COL21A1: variants seen among roughly 807,000 people sequenced by gnomAD.
COL21A1 encodes collagen alpha-1(XXI) chain.
COL21A1 carries 149 observed loss-of-function variants against 137.9 expected under a neutral mutation model. That is an observed-to-expected ratio of 1.08 (90% CI 0.95 to 1.24). The LOEUF (loss-of-function observed/expected upper bound fraction) is 1.24, where lower values mean the gene tolerates loss of function less well. Ranked by LOEUF, COL21A1 falls within the 50% of genes most tolerant of loss-of-function variation. The pLI is 0.00. For synonymous variants in COL21A1, 456 were observed against 391.5 expected, an observed-to-expected ratio of 1.16 and a Z score of -1.95; for missense variants, 1,167 against 1,158.4, an observed-to-expected ratio of 1.01 and a Z score of -0.11.
At chr6:56,216,934 G>T (rs576299972) in intron 1 of COL21A1, among the ~76,000 whole-genome samples, 32 of 152,094 alleles carry the variant, frequency 2.1e-4, no homozygotes, top group African/African-American at 7.5e-4. Flanking sequence ...TAGAAGGTAA[G>T]ACCTGATTAG....
At chr6:56,374,896 A>T (rs1278956496) in intron 1 of COL21A1, among the ~76,000 whole-genome samples, 3 of 151,350 alleles carry the variant, frequency 2.0e-5, no homozygotes, top group Admixed American at 6.6e-5. Context: ...ACTTGGTGAG[A>T]TTCTTTAGAC....
At chr6:56,310,192 G>A (rs1324327379) in intron 1 of COL21A1, among the ~76,000 whole-genome samples, 1 of 151,832 alleles carries the variant, frequency 6.6e-6, no homozygotes, top group Non-Finnish European at 1.5e-5. Context: ...GAAGACGTAA[G>A]ACAGAAAATT....
At chr6:56,161,414 C>T (rs1420584303) in intron 9 of COL21A1, among the ~76,000 whole-genome samples, 1 of 152,082 alleles carries the variant, frequency 6.6e-6, no homozygotes, top group East Asian at 1.9e-4. Context: ...AAGTTATCTG[C>T]AAGCTGGGGT....
chr6:56,119,735 G>T (rs1441519839), intron 16 of COL21A1, among the ~76,000 whole-genome samples: 7 of 151,942 alleles, frequency 4.6e-5, no homozygotes, highest in Non-Finnish European at 8.8e-5. Context: ...ACAGAACAGA[G>T]AACCCAGAAA....
chr6:56,296,102 TC>T (rs1383982985), intron 1 of COL21A1, among the ~76,000 whole-genome samples: 1 of 151,942 alleles, frequency 6.6e-6, no homozygotes. Context: ...TTGAGGAAAT[TC>T]CCTCCATTCC....
intron 16 of COL21A1, among the ~76,000 whole-genome samples, chr6:56,111,898 C>T (rs1453220629): frequency 6.6e-6 from 1 of 150,878 alleles, no homozygotes; most frequent in Admixed American, 6.6e-5. Flanking sequence ...AAAGAAAAAA[C>T]TTTAACACAT....
intron 16 of COL21A1, among the ~76,000 whole-genome samples, chr6:56,109,995 T>C (rs368795468): frequency 2.0e-5 from 3 of 152,024 alleles, no homozygotes; most frequent in African/African-American, 7.2e-5. Flanking sequence ...AAGCCAGTAT[T>C]GTTTTGATAT....
At chr6:56,067,357 C>A in intron 22 of COL21A1, 27 bp from the exon 23 acceptor site, 1 of 1,580,342 alleles carries the variant, frequency 6.3e-7, no homozygotes. Context: ...TGATCTGTAT[C>A]ATAATCTAGC....
chr6:56,082,886 T>C (rs756419366), intron 17 of COL21A1, among the ~76,000 whole-genome samples: 1 of 151,922 alleles, frequency 6.6e-6, no homozygotes, highest in East Asian at 1.9e-4. Flanking sequence ...GAAATGTGTA[T>C]GCTATTCCAT....
At chr6:56,167,269 G>A (rs1173829365) in intron 6 of COL21A1, among the ~76,000 whole-genome samples, 1 of 152,132 alleles carries the variant, frequency 6.6e-6, no homozygotes, top group East Asian at 1.9e-4. Context: ...CTAATCTAAA[G>A]AGCATTTTGT....
Position 56,126,105 on chromosome 6 carries a change from T to C in COL21A1, c.1587A>G (p.Pro529=), listed in dbSNP as rs373142145. The C allele has an allele frequency of 2.6e-6, 4 of 1,545,690 alleles. No individual in the cohort carries two copies. In the African/African-American group the frequency reaches 5.5e-5, roughly 21 times the overall value. Residue 529 remains proline (P), a synonymous_variant, in exon 13 of 30, where the codon CCA becomes CCG. Coordinates refer to ENST00000244728, the MANE Select transcript of COL21A1 (RefSeq NM_030820.4). ...LPGFPGLHGM[P]GSKGEMGAKG... ...AACAGATTTCTTCAACCTTTGATCCTGGCATGCCATGAAGCCCAGGAAAAC... is the reference window on the plus strand; with the variant it reads ...AACAGATTTCTTCAACCTTTGATCCCGGCATGCCATGAAGCCCAGGAAAAC...
chr6:56,228,056 G>A (rs1305927064), intron 1 of COL21A1, among the ~76,000 whole-genome samples: 1 of 151,968 alleles, frequency 6.6e-6, no homozygotes, highest in Non-Finnish European at 1.5e-5. Context: ...CCCATGGAGA[G>A]TGGGAAAGGG....
intron 1 of COL21A1, among the ~76,000 whole-genome samples, chr6:56,270,630 A>G (rs1182353973): frequency 6.6e-6 from 1 of 152,238 alleles, no homozygotes; most frequent in Non-Finnish European, 1.5e-5. Flanking sequence ...ACATCCTGGT[A>G]TGTTTCTCTC....
At chr6:56,105,914 C>G (rs1770843670) in intron 16 of COL21A1, among the ~76,000 whole-genome samples, 1 of 152,148 alleles carries the variant, frequency 6.6e-6, no homozygotes, top group Non-Finnish European at 1.5e-5. Flanking sequence ...AACTAAAATT[C>G]TTGTCCTTTA....
At chr6:56,267,310 T>A (rs1582743980) in intron 1 of COL21A1, among the ~76,000 whole-genome samples, 1 of 152,186 alleles carries the variant, frequency 6.6e-6, no homozygotes, top group Non-Finnish European at 1.5e-5. Flanking sequence ...CAATGGAATG[T>A]TCCTGGTGCA....
At chr6:56,338,326 T>G (rs1562062993) in intron 1 of COL21A1, among the ~76,000 whole-genome samples, 2 of 152,106 alleles carry the variant, frequency 1.3e-5, no homozygotes, top group African/African-American at 4.8e-5. Flanking sequence ...CTAACCCAGC[T>G]AGTAGTGCTC....
intron 1 of COL21A1, among the ~76,000 whole-genome samples, chr6:56,259,227 C>T (rs1172707206): frequency 1.3e-5 from 2 of 152,184 alleles, no homozygotes; most frequent in South Asian, 2.1e-4. Context: ...GACACTGAGA[C>T]AGAACCATCC....
chr6:56,277,675 T>C (rs1463860818), intron 1 of COL21A1, among the ~76,000 whole-genome samples: 2 of 152,222 alleles, frequency 1.3e-5, no homozygotes, highest in Non-Finnish European at 2.9e-5. Flanking sequence ...CTCCTTGATC[T>C]TAGAAATCCA....
chr6:56,245,006 T>C (rs893998621), intron 1 of COL21A1, among the ~76,000 whole-genome samples: 1 of 152,224 alleles, frequency 6.6e-6, no homozygotes, highest in Non-Finnish European at 1.5e-5. Context: ...TTACCTCACC[T>C]ACTCTTTTTG....
Sources: allele counts gnomAD v4.1 joint callset (sites outside exome capture counted in the v4.1 genomes callset), GRCh38; gene constraint gnomAD v4.1.1; transcripts MANE v1.5; gene names NCBI Gene and HGNC (gene_info 2026-07-23, HGNC 2026-07-21).